Variants in NLGN1 observed in about 807,000 individuals in gnomAD.
The protein encoded by NLGN1 is neuroligin 1.
A neutral mutation model predicts 65.5 loss-of-function variants in NLGN1; 12 were observed. The ratio of observed to expected loss-of-function variants is 0.18; its 90% CI spans 0.12 to 0.30. The LOEUF (loss-of-function observed/expected upper bound fraction) is 0.30. Among genes scored for constraint, NLGN1 ranks in the 10% least tolerant of loss-of-function variants. The pLI is 1.00. For synonymous variants in NLGN1, 350 were observed against 359.5 expected, an observed-to-expected ratio of 0.97 and a Z score of 0.30; for missense variants, 750 against 1,007.1, an observed-to-expected ratio of 0.74 and a Z score of 3.46.
intron 2 of NLGN1, among the ~76,000 whole-genome samples, chr3:173,503,291 G>C (rs1731460531): frequency 6.6e-6 from 1 of 152,020 alleles, no homozygotes; most frequent in South Asian, 2.1e-4. Flanking sequence ...AATATATGCT[G>C]AGTACCTACT....
intron 4 of NLGN1, among the ~76,000 whole-genome samples, chr3:174,157,411 G>C (rs1032315809): frequency 1.3e-5 from 2 of 151,598 alleles, no homozygotes; most frequent in Non-Finnish European, 2.9e-5. Flanking sequence ...AGTATTATAA[G>C]TCACTATTAA....
chr3:173,596,708 A>C (rs1749553451), intron 2 of NLGN1, among the ~76,000 whole-genome samples: 1 of 152,230 alleles, frequency 6.6e-6, no homozygotes, highest in Non-Finnish European at 1.5e-5. Flanking sequence ...TAATATGGTC[A>C]TGACATGGGT....
chr3:173,720,160 T>C (rs1266779492), intron 3 of NLGN1, among the ~76,000 whole-genome samples: 1 of 152,016 alleles, frequency 6.6e-6, no homozygotes. Flanking sequence ...AATGCTGATT[T>C]CTGAGTCACG....
intron 4 of NLGN1, among the ~76,000 whole-genome samples, chr3:173,857,439 T>C (rs1396186941): frequency 6.6e-6 from 1 of 152,108 alleles, no homozygotes; most frequent in Non-Finnish European, 1.5e-5. Context: ...GTTATCACTT[T>C]CTTTTTTCAA....
intron 2 of NLGN1, among the ~76,000 whole-genome samples, chr3:173,485,029 C>G (rs886593371): frequency 1.4e-5 from 2 of 146,332 alleles, no homozygotes. Context: ...GTTTATTGGA[C>G]TTACAGTTCC....
intron 3 of NLGN1, among the ~76,000 whole-genome samples, chr3:173,703,150 A>G (rs888582141): frequency 1.3e-5 from 2 of 152,020 alleles, no homozygotes; most frequent in Admixed American, 1.3e-4. Context: ...GCTGTGGTGT[A>G]GAGATAACTT....
At chr3:173,908,029 A>T (rs1409641009) in intron 4 of NLGN1, among the ~76,000 whole-genome samples, 1 of 152,204 alleles carries the variant, frequency 6.6e-6, no homozygotes, top group Non-Finnish European at 1.5e-5. Flanking sequence ...AGATTGCTTT[A>T]TCTCTTTTAC....
At chr3:174,037,001 G>A (rs949890367) in intron 4 of NLGN1, among the ~76,000 whole-genome samples, 4 of 152,010 alleles carry the variant, frequency 2.6e-5, no homozygotes, top group African/African-American at 2.4e-5. Context: ...CCAGTCTACC[G>A]CTTATGGACA....
chr3:173,944,037 A>G (rs1746668939), intron 4 of NLGN1, among the ~76,000 whole-genome samples: 1 of 152,144 alleles, frequency 6.6e-6, no homozygotes, highest in South Asian at 2.1e-4. Context: ...CCAATATTAG[A>G]CAAAGAAAAA....
At chr3:174,114,443 T>C (rs755690797) in intron 4 of NLGN1, among the ~76,000 whole-genome samples, 1 of 152,116 alleles carries the variant, frequency 6.6e-6, no homozygotes, top group African/African-American at 2.4e-5. Flanking sequence ...ATATAAACAA[T>C]TTCAAAACTC....
At chr3:173,520,816 T>A (rs1308098144) in intron 2 of NLGN1, among the ~76,000 whole-genome samples, 2 of 152,218 alleles carry the variant, frequency 1.3e-5, no homozygotes, top group African/African-American at 4.8e-5. Flanking sequence ...ATTTAAAGCA[T>A]ATTTTTAGAG....
intron 4 of NLGN1, among the ~76,000 whole-genome samples, chr3:174,198,051 T>G (rs1198731388): frequency 6.6e-6 from 1 of 152,162 alleles, no homozygotes. Flanking sequence ...TGTCACTTAG[T>G]TGATTGTTAC....
intron 2 of NLGN1, among the ~76,000 whole-genome samples, chr3:173,532,294 A>G (rs539557940): frequency 1.3e-4 from 20 of 152,182 alleles, no homozygotes; most frequent in Non-Finnish European, 2.4e-4. Context: ...AAAGAAAACC[A>G]TATATATTAT....
intron 4 of NLGN1, among the ~76,000 whole-genome samples, chr3:173,969,791 C>T (rs1210070100): frequency 6.6e-6 from 1 of 151,948 alleles, no homozygotes; most frequent in Non-Finnish European, 1.5e-5. Context: ...TACTTTCATA[C>T]AGAAGGGTGC....
intron 4 of NLGN1, among the ~76,000 whole-genome samples, chr3:173,939,998 C>G (rs1470569268): frequency 6.7e-6 from 1 of 150,310 alleles, no homozygotes; most frequent in African/African-American, 2.5e-5. Flanking sequence ...ACTTATGTTT[C>G]AGGCACTGGA....
intron 3 of NLGN1, among the ~76,000 whole-genome samples, chr3:173,622,978 C>A (rs546004153): frequency 6.6e-6 from 1 of 152,226 alleles, no homozygotes; most frequent in South Asian, 2.1e-4. Flanking sequence ...CTTCAGAAAT[C>A]GTTAACAGAG....
At chr3:173,646,968 A>C (rs914361254) in intron 3 of NLGN1, among the ~76,000 whole-genome samples, 1 of 152,178 alleles carries the variant, frequency 6.6e-6, no homozygotes, top group Non-Finnish European at 1.5e-5. Context: ...ATATAAAAAC[A>C]CAGGTTAAAA....
intron 4 of NLGN1, among the ~76,000 whole-genome samples, chr3:174,248,157 C>T (rs1744135064): frequency 6.6e-6 from 1 of 152,140 alleles, no homozygotes; most frequent in East Asian, 1.9e-4. Context: ...GAGAGGATTA[C>T]AGTGCTCAGA....
chr3:173,992,638 T>C (rs1163775396), intron 4 of NLGN1, among the ~76,000 whole-genome samples: 1 of 152,190 alleles, frequency 6.6e-6, no homozygotes, highest in African/African-American at 2.4e-5. Flanking sequence ...AAATAGATGT[T>C]GTGGTGACTT....
Sources: allele counts gnomAD v4.1 joint callset (sites outside exome capture counted in the v4.1 genomes callset), GRCh38; gene constraint gnomAD v4.1.1; transcripts MANE v1.5; gene names NCBI Gene and HGNC (gene_info 2026-07-23, HGNC 2026-07-21).